The following GRID2 variants were observed in gnomAD, a reference collection of about 807,000 sequenced individuals.
GRID2 encodes glutamate receptor ionotropic, delta-2.
GRID2 carries 33 observed loss-of-function variants against 114.8 expected under a neutral mutation model. The ratio of observed to expected loss-of-function variants is 0.29; its 90% confidence interval spans 0.22 to 0.38. The LOEUF (loss-of-function observed/expected upper bound fraction) is 0.38. Among genes scored for constraint, GRID2 ranks in the 10% least tolerant of loss-of-function variants. The pLI, the probability that GRID2 is intolerant of heterozygous loss-of-function variation, is 1.00. For missense variants in GRID2, 1,184 were observed against 1,257.7 expected (o/e 0.94, Z 0.89); for synonymous variants, 505 against 449.9 (o/e 1.12, Z -1.55).
intron 8 of GRID2, among the ~76,000 whole-genome samples, chr4:93,311,195 C>T (rs573698351): frequency 5.9e-4 from 90 of 152,162 alleles, no homozygotes; most frequent in Non-Finnish European, 1.1e-3. Flanking sequence ...GAAGTGCTAG[C>T]AGCTGAAGAG....
chr4:92,679,790 A>G (rs889504634), intron 2 of GRID2, among the ~76,000 whole-genome samples: 5 of 152,062 alleles, frequency 3.3e-5, no homozygotes, highest in African/African-American at 1.2e-4. Flanking sequence ...TATGTCTGTC[A>G]TTAGTGTCAT....
intron 14 of GRID2, among the ~76,000 whole-genome samples, chr4:93,646,877 T>C (rs941853845): frequency 2.0e-5 from 3 of 152,182 alleles, no homozygotes; most frequent in African/African-American, 7.2e-5. Context: ...AAATGGATGA[T>C]GGTATCATTA....
intron 2 of GRID2, among the ~76,000 whole-genome samples, chr4:92,961,600 T>C (rs1174820179): frequency 6.6e-6 from 1 of 151,646 alleles, no homozygotes; most frequent in African/African-American, 2.4e-5. Flanking sequence ...GATTTTTGTT[T>C]CTTTATTTTG....
intron 2 of GRID2, among the ~76,000 whole-genome samples, chr4:92,956,443 C>T (rs576313649): frequency 6.4e-4 from 98 of 152,308 alleles, no homozygotes; most frequent in Middle Eastern, 3.4e-3. Context: ...CACAGTTTCA[C>T]CTCTTCCAGA....
chr4:93,744,705 C>CAGGG (rs1181034926), intron 14 of GRID2, among the ~76,000 whole-genome samples: 9 of 152,140 alleles, frequency 5.9e-5, no homozygotes, highest in African/African-American at 2.2e-4. Flanking sequence ...AAGACAGAGG[C>CAGGG]AGGGTTTGAG....
At chr4:93,737,791 G>A (rs2110242971) in intron 14 of GRID2, among the ~76,000 whole-genome samples, 1 of 152,154 alleles carries the variant, frequency 6.6e-6, no homozygotes, top group South Asian at 2.1e-4. Flanking sequence ...ATATAGTCAA[G>A]TTTCTTATCA....
intron 2 of GRID2, among the ~76,000 whole-genome samples, chr4:92,931,201 T>G (rs1750204992): frequency 6.6e-6 from 1 of 150,904 alleles, no homozygotes; most frequent in South Asian, 2.1e-4. Context: ...GTTTAACATT[T>G]GAAAATCAAC....
intron 13 of GRID2, among the ~76,000 whole-genome samples, chr4:93,616,888 G>C (rs1219068463): frequency 9.8e-6 from 1 of 102,244 alleles, no homozygotes; most frequent in Admixed American, 8.8e-5. Context: ...CCAGCTACTC[G>C]GGAGGCTGAG....
Position 92,520,723 on chromosome 4 carries a change from C to T in GRID2, c.89-69408C>T, listed in dbSNP as rs1196197740. Among the ~76,000 whole-genome samples the T allele has an allele frequency of 2.6e-5, 4 of 151,942 alleles. No individual in the cohort carries two copies. In the East Asian group the frequency reaches 7.8e-4, roughly 30 times the overall value. On this transcript the variant is annotated intron_variant, in intron 1 of 15. Transcript: ENST00000282020. ...ATCATGCTAAGCTGGAACAGTGACT[C>T]TTTTCCCTGATGGCTAATTCAGATG...
chr4:93,239,246 G>C (rs1747185817), intron 8 of GRID2, among the ~76,000 whole-genome samples: 1 of 147,740 alleles, frequency 6.8e-6, no homozygotes, highest in Non-Finnish European at 1.5e-5. Flanking sequence ...ATATTTGGTA[G>C]GGAAATAAAT....
At chr4:93,252,047 G>A (rs919474244) in intron 8 of GRID2, among the ~76,000 whole-genome samples, 3 of 152,020 alleles carry the variant, frequency 2.0e-5, no homozygotes, top group African/African-American at 7.2e-5. Context: ...GGACTTTCAG[G>A]AATTGCCACA....
chr4:92,855,283 C>T (rs1744096782), intron 2 of GRID2, among the ~76,000 whole-genome samples: 1 of 151,990 alleles, frequency 6.6e-6, no homozygotes, highest in Admixed American at 6.6e-5. Flanking sequence ...TAAAGCAATT[C>T]CCTGAAACCA....
chr4:92,844,977 A>G (rs1360152582), intron 2 of GRID2, among the ~76,000 whole-genome samples: 1 of 152,140 alleles, frequency 6.6e-6, no homozygotes, highest in African/African-American at 2.4e-5. Context: ...TTGAGCACTA[A>G]CTAGTACAGT....
intron 9 of GRID2, among the ~76,000 whole-genome samples, chr4:93,400,363 G>C (rs1035927093): frequency 1.3e-5 from 2 of 152,054 alleles, no homozygotes; most frequent in African/African-American, 4.8e-5. Flanking sequence ...CTACTACTTG[G>C]TGTCTCTTCT....
chr4:92,498,967 A>G (rs1291120802), intron 1 of GRID2, among the ~76,000 whole-genome samples: 1 of 150,726 alleles, frequency 6.6e-6, no homozygotes, highest in Non-Finnish European at 1.5e-5. Context: ...AACTGTGACC[A>G]TAATATTGTC....
In GRID2 at chr4:92,341,243, G is replaced by A. The variant is rs536845538; in HGVS notation, c.88+36499G>A. Among the ~76,000 whole-genome samples, 31 of 152,132 alleles carry A rather than the reference G, an allele frequency of 2.0e-4. No individual in the cohort carries two copies. The South Asian group carries it at 5.8e-3, about 29-fold the overall frequency. ...CTTATCAGTCTGCTAGCACACTTCA[G>A]TTTTGCACCTTTATTACTTCTGTCA... is the stretch of plus-strand genomic sequence containing the variant. On this transcript the variant is annotated intron_variant, in intron 1 of 15. Coordinates refer to ENST00000282020, the MANE Select transcript of GRID2 (RefSeq NM_001510.4).
At chr4:93,051,874 G>A (rs1174938066) in intron 2 of GRID2, among the ~76,000 whole-genome samples, 2 of 151,612 alleles carry the variant, frequency 1.3e-5, no homozygotes, top group African/African-American at 2.4e-5. Context: ...TTGCTTGTTT[G>A]TCCAGTTTTT....
At chr4:92,890,232 G>GA (rs1422928123) in intron 2 of GRID2, among the ~76,000 whole-genome samples, 1 of 152,012 alleles carries the variant, frequency 6.6e-6, no homozygotes, top group African/African-American at 2.4e-5. Flanking sequence ...AAAAACATCT[G>GA]AAGCAGTTGC....
intron 14 of GRID2, among the ~76,000 whole-genome samples, chr4:93,666,090 G>A (rs1723922741): frequency 6.6e-6 from 1 of 152,074 alleles, no homozygotes; most frequent in African/African-American, 2.4e-5. Context: ...TGTCTTGAAT[G>A]TAATAGATGA....
Sources: allele counts gnomAD v4.1 joint callset (sites outside exome capture counted in the v4.1 genomes callset), GRCh38; gene constraint gnomAD v4.1.1; transcripts MANE v1.5; gene names NCBI Gene and HGNC (gene_info 2026-07-23, HGNC 2026-07-21).